The following SRFBP1 variants were observed in gnomAD, a reference collection of about 807,000 sequenced individuals.
The protein encoded by SRFBP1 is serum response factor binding protein 1, also known as serum response factor-binding protein 1.
In SRFBP1, 47 loss-of-function variants were observed where a neutral mutation model predicts 45.5. That is an observed-to-expected ratio of 1.03 (90% CI 0.82 to 1.32). The LOEUF (loss-of-function observed/expected upper bound fraction) is 1.32. Among genes scored for constraint, SRFBP1 ranks in the 40% most tolerant of loss-of-function variants. SRFBP1 has a pLI of 0.00. For synonymous variants in SRFBP1, 203 were observed against 166.3 expected (o/e 1.22, Z -1.70); for missense variants, 621 against 484.6 (o/e 1.28, Z -2.64).
downstream of SRFBP1, chr5:122,078,064 G>A: frequency 7.5e-7 from 1 of 1,330,062 alleles, no homozygotes; most frequent in Non-Finnish European, 9.8e-7. Flanking sequence ...ATCACGTGAG[G>A]GAAGGAGAAA....
chr5:122,046,652 C>A (rs537314444), intron 2 of SRFBP1, among the ~76,000 whole-genome samples: 23 of 152,338 alleles, frequency 1.5e-4, no homozygotes, highest in African/African-American at 5.3e-4. Flanking sequence ...AACTAGTTTA[C>A]AATCCCACCA....
rs149922623 is a variant in SRFBP1 at position 121,970,712 on chromosome 5, A to G, written c.37-3484A>G. On this transcript the variant is annotated intron_variant, in intron 1 of 7. Transcript: ENST00000339397. ...ATATTATGCATTTGAAACAGTGAATAGACAGTGTGTATTGCTACATTTCTG... is the reference window on the plus strand; with the variant it reads ...ATATTATGCATTTGAAACAGTGAATGGACAGTGTGTATTGCTACATTTCTG... Among the ~76,000 whole-genome samples, 158 of 152,224 alleles carry G rather than the reference A, an allele frequency of 1.0e-3. 2 individuals are homozygous for G. The highest frequency in any genetic ancestry group is 3.8e-3 in the African/African-American group (156 of 41,570).
chr5:122,077,347 G>A (rs746390468), downstream of SRFBP1: 2 of 1,613,716 alleles, frequency 1.2e-6, no homozygotes, highest in South Asian at 1.1e-5. The surrounding 1 kb of genome is among the most constrained non-coding windows in gnomAD (Gnocchi z 4.9). Context: ...GGACTTGGGG[G>A]TACTTACCGT....
At chr5:121,975,078 G>A (rs1752274356) in intron 2 of SRFBP1, among the ~76,000 whole-genome samples, 1 of 151,872 alleles carries the variant, frequency 6.6e-6, no homozygotes, top group South Asian at 2.1e-4. Context: ...AAAAGTAATA[G>A]TCATTAATAC....
chr5:122,047,533 C>CT (rs1277118264), intron 2 of SRFBP1, among the ~76,000 whole-genome samples: 15 of 152,242 alleles, frequency 9.9e-5, no homozygotes, highest in African/African-American at 2.4e-4. Flanking sequence ...AATGCGGGCT[C>CT]TTTTTTGGTT....
rs116585355 is a variant in SRFBP1, at chr5:121,962,156, G to A, written c.36+88G>A. On this transcript the variant is annotated intron_variant, in intron 1 of 7. Transcript: ENST00000339397. The stretch of plus-strand genomic sequence containing the variant: ...GCGTGGTCGGAGGCGGGCATAGAGG[G>A]TGCGGTTGGAGGAACTTTCGTGGTG... 8,018 of 1,550,006 alleles carry A rather than the reference G, an allele frequency of 5.2e-3. 41 individuals are homozygous for A. The highest frequency in any genetic ancestry group is 5.7e-3 in the Non-Finnish European group (6,471 of 1,131,288).
intron 3 of SRFBP1, among the ~76,000 whole-genome samples, chr5:121,986,785 A>G (rs990543622): frequency 2.0e-5 from 3 of 152,134 alleles, no homozygotes; most frequent in African/African-American, 7.2e-5. Context: ...AGTGGTATTT[A>G]AAAACCAAAA....
downstream of SRFBP1, chr5:122,077,040 C>G (rs1433569591): frequency 1.9e-6 from 3 of 1,605,566 alleles, no homozygotes; most frequent in South Asian, 2.2e-5. The surrounding 1 kb of genome is among the most constrained non-coding windows in gnomAD (Gnocchi z 4.9). Context: ...AGTGAAACAA[C>G]CCGGCGCCCC....
intron 1 of SRFBP1, among the ~76,000 whole-genome samples, chr5:121,967,117 A>G (rs1012532983): frequency 2.0e-5 from 3 of 152,072 alleles, no homozygotes; most frequent in Admixed American, 6.6e-5. Context: ...ATAGCAAATT[A>G]CCATTAAGCC....
chr5:122,072,334 A>G (rs1754474734), intron 2 of SRFBP1, among the ~76,000 whole-genome samples: 2 of 152,234 alleles, frequency 1.3e-5, no homozygotes, highest in South Asian at 2.1e-4. Context: ...TCATGTAGGC[A>G]AAGTCAAAAT....
chr5:122,052,531 G>A (rs1206781693), intron 2 of SRFBP1, among the ~76,000 whole-genome samples: 3 of 152,014 alleles, frequency 2.0e-5, no homozygotes, highest in Non-Finnish European at 4.4e-5. Context: ...CCTCAGCTTG[G>A]TCTATTCTGC....
intron 2 of SRFBP1, among the ~76,000 whole-genome samples, chr5:122,046,222 A>C (rs1284540600): frequency 6.6e-6 from 1 of 151,764 alleles, no homozygotes; most frequent in Non-Finnish European, 1.5e-5. Context: ...ACAGGCCCCA[A>C]TGTGTGATGT....
intron 3 of SRFBP1, among the ~76,000 whole-genome samples, chr5:121,979,570 T>G (rs1472624762): frequency 6.6e-6 from 1 of 152,124 alleles, no homozygotes; most frequent in Non-Finnish European, 1.5e-5. Context: ...CTGAGAGTTT[T>G]ATTTGTGAGC....
At chr5:122,002,595 G>T (rs1752892259) in intron 4 of SRFBP1, among the ~76,000 whole-genome samples, 1 of 152,160 alleles carries the variant, frequency 6.6e-6, no homozygotes, top group Non-Finnish European at 1.5e-5. Flanking sequence ...TCCTAAGGAG[G>T]AATCATCAGT....
rs759011221 is a variant in SRFBP1 at position 122,058,004 on chromosome 5, G to T, written n.312-17311G>T. On this transcript the variant is annotated intron_variant and non_coding_transcript_variant, in intron 2 of 2. Coordinates refer to the SRFBP1 transcript ENST00000504881. ...GGCCTTGATTATATTCTTAAGAGAA[G>T]TTCCTCAAAGTGTAATTATTGCCCA... Among the ~76,000 whole-genome samples, 4 of 152,226 alleles carry T rather than the reference G, an allele frequency of 2.6e-5. No individual in the cohort carries two copies. The Middle Eastern group carries it at 0.01, about 388-fold the overall frequency.
chr5:122,066,645 C>G (rs1190996770), intron 2 of SRFBP1: 8 of 997,746 alleles, frequency 8.0e-6, no homozygotes, highest in Non-Finnish European at 1.1e-5. Flanking sequence ...TTTCTGTTCT[C>G]TTTTTCAAAA....
At chr5:122,010,036 C>T (rs1374834217) in intron 4 of SRFBP1, among the ~76,000 whole-genome samples, 2 of 152,052 alleles carry the variant, frequency 1.3e-5, no homozygotes, top group African/African-American at 4.8e-5. Context: ...ATCCAAAGAC[C>T]CATAAAATAG....
intron 1 of SRFBP1, among the ~76,000 whole-genome samples, chr5:121,971,194 G>A (rs149120516): frequency 4.6e-5 from 7 of 152,076 alleles, no homozygotes; most frequent in Admixed American, 2.6e-4. Context: ...ATTTTATTGC[G>A]ATGGCATTGT....
At chr5:121,982,407 G>A (rs931506528) in intron 3 of SRFBP1, among the ~76,000 whole-genome samples, 1 of 151,762 alleles carries the variant, frequency 6.6e-6, no homozygotes, top group Non-Finnish European at 1.5e-5. Flanking sequence ...ACAGCTTTAA[G>A]TTACTATTTT....
Sources: gnomAD v4.1 joint callset for allele counts (sites outside exome capture counted in the v4.1 genomes callset) on GRCh38, gnomAD v4.1.1 for gene constraint, Gnocchi (gnomAD v3.1) non-coding constraint, MANE v1.5 for transcripts, NCBI Gene and HGNC (gene_info 2026-07-23, HGNC 2026-07-21) for gene names.